DLGAP2: variants seen among roughly 807,000 people sequenced by gnomAD.
The protein encoded by DLGAP2 is DLG associated protein 2.
DLGAP2 carries 26 observed loss-of-function variants against 100.3 expected under a neutral mutation model. That is an observed-to-expected ratio of 0.26 (90% CI 0.19 to 0.36). The LOEUF (loss-of-function observed/expected upper bound fraction) is 0.36. Ranked by LOEUF, DLGAP2 falls within the 10% of genes least tolerant of loss-of-function variation. The probability of loss-of-function intolerance (pLI) is 1.00; values close to 1 mark genes in which losing one functional copy is unlikely to be tolerated. For missense variants in DLGAP2, 1,858 were observed against 1,453.2 expected, an observed-to-expected ratio of 1.28 and a Z score of -4.53; for synonymous variants, 886 against 630.1, an observed-to-expected ratio of 1.41 and a Z score of -6.08.
intron 3 of DLGAP2, among the ~76,000 whole-genome samples, chr8:1,439,206 C>T (rs939818813): frequency 6.6e-6 from 1 of 152,188 alleles, no homozygotes; most frequent in Non-Finnish European, 1.5e-5. Context: ...AGCCCCTCCC[C>T]TCCAGAGGCA....
chr8:1,093,079 C>T (rs55870618), intron 2 of DLGAP2, among the ~76,000 whole-genome samples: 24,102 of 152,206 alleles, frequency 0.16, 1,951 homozygotes, highest in Admixed American at 0.21. Context: ...AAACCGAGGC[C>T]GAGCTCCTTC....
intron 2 of DLGAP2, among the ~76,000 whole-genome samples, chr8:1,237,242 G>A (rs1467441108): frequency 7.2e-6 from 1 of 137,958 alleles, no homozygotes; most frequent in African/African-American, 3.0e-5. Flanking sequence ...GCCGTGTCTA[G>A]TTCTCTCTCA....
chr8:883,114 G>A (rs1342087234), intron 1 of DLGAP2: 2 of 152,576 alleles, frequency 1.3e-5, no homozygotes, highest in African/African-American at 4.8e-5. Context: ...GTCCTGTGTT[G>A]CTGGAATGGA....
rs145178651 is a variant in DLGAP2, at chr8:1,115,190, A to G, written c.74-143661A>G. On this transcript the variant is annotated intron_variant, in intron 2 of 14. Coordinates refer to ENST00000637795, the MANE Select transcript of DLGAP2 (RefSeq NM_001346810.2). ...GTTGTTTTGGGGTAGAGTGTTCTAT[A>G]GAGGTCTGTCATATGCATTTGGTCC... 2.1e-3 allele frequency among the ~76,000 whole-genome samples: 325 copies of G among 152,364 alleles called. 1 individual carries two copies. The highest frequency in any genetic ancestry group is 3.4e-3 in the Middle Eastern group (1 of 294).
At chr8:1,378,899 C>G (rs1386094161) in intron 3 of DLGAP2, among the ~76,000 whole-genome samples, 1 of 152,220 alleles carries the variant, frequency 6.6e-6, no homozygotes, top group African/African-American at 2.4e-5. Flanking sequence ...TCATGCTTCC[C>G]TGTCCTTTGG....
At chr8:1,664,386 C>A (rs1177561428) in intron 8 of DLGAP2, among the ~76,000 whole-genome samples, 1 of 152,148 alleles carries the variant, frequency 6.6e-6, no homozygotes, top group East Asian at 1.9e-4. Context: ...CCCCAGGAAG[C>A]TTCTTTCAAC....
At chr8:984,433 G>T (rs985281008) in intron 2 of DLGAP2, among the ~76,000 whole-genome samples, 2 of 152,212 alleles carry the variant, frequency 1.3e-5, no homozygotes, top group Non-Finnish European at 2.9e-5. Context: ...CCAGGAGCTG[G>T]TAGCTCTCAG....
intron 1 of DLGAP2, among the ~76,000 whole-genome samples, chr8:750,274 C>A (rs374497492): frequency 1.3e-5 from 2 of 152,160 alleles, no homozygotes; most frequent in African/African-American, 2.4e-5. Context: ...CCTTGCCACA[C>A]GAGGGGAGGT....
At chr8:1,259,289 G>A (rs867947955) in intron 3 of DLGAP2, among the ~76,000 whole-genome samples, 4 of 152,158 alleles carry the variant, frequency 2.6e-5, no homozygotes, top group African/African-American at 9.7e-5. Context: ...CAGCCTGAGA[G>A]TGTGTGGGGC....
chr8:1,387,238 G>A (rs1021341892), intron 3 of DLGAP2, among the ~76,000 whole-genome samples: 2 of 152,192 alleles, frequency 1.3e-5, no homozygotes, highest in Non-Finnish European at 2.9e-5. Context: ...AGACTGAGAG[G>A]CAGGTCTGCT....
chr8:1,338,609 G>C (rs1801343680), intron 3 of DLGAP2, among the ~76,000 whole-genome samples: 1 of 152,196 alleles, frequency 6.6e-6, no homozygotes, highest in South Asian at 2.1e-4. Context: ...TGTAAACCTT[G>C]AAAGAGTAAA....
chr8:880,983 C>T (rs1204255908), intron 1 of DLGAP2, among the ~76,000 whole-genome samples: 1 of 152,208 alleles, frequency 6.6e-6, no homozygotes, highest in Admixed American at 6.5e-5. Flanking sequence ...CCAGGACTTG[C>T]ACAACAGCTC....
chr8:1,478,533 C>T (rs1165416581), intron 3 of DLGAP2, among the ~76,000 whole-genome samples: 7 of 151,950 alleles, frequency 4.6e-5, no homozygotes, highest in Non-Finnish European at 7.4e-5. Context: ...CTCTCTCCAT[C>T]GACACCATAG....
At chr8:906,148 G>A (rs750818751) in intron 1 of DLGAP2, among the ~76,000 whole-genome samples, 1 of 152,246 alleles carries the variant, frequency 6.6e-6, no homozygotes, top group Non-Finnish European at 1.5e-5. Flanking sequence ...AGAGCAGCTT[G>A]TGATTTCAGC....
At chr8:1,243,405 T>C (rs1288644510) in intron 2 of DLGAP2, among the ~76,000 whole-genome samples, 1 of 152,178 alleles carries the variant, frequency 6.6e-6, no homozygotes, top group Non-Finnish European at 1.5e-5. Context: ...TCATTCCTCC[T>C]GCGCAGCTGC....
chr8:1,507,247 A>G (rs1161055101), intron 4 of DLGAP2, among the ~76,000 whole-genome samples: 2 of 152,212 alleles, frequency 1.3e-5, no homozygotes, highest in Non-Finnish European at 2.9e-5. Context: ...GCGGGAGCCC[A>G]CCGCGAGGGG....
intron 2 of DLGAP2, among the ~76,000 whole-genome samples, chr8:1,095,374 G>A (rs1005052929): frequency 1.3e-5 from 2 of 152,142 alleles, no homozygotes; most frequent in African/African-American, 2.4e-5. Context: ...ACCCCTGTCC[G>A]CAGCAGACCC....
At chr8:883,699 G>A (rs1297983226) in intron 1 of DLGAP2, among the ~76,000 whole-genome samples, 2 of 151,054 alleles carry the variant, frequency 1.3e-5, no homozygotes, top group East Asian at 2.0e-4. Context: ...TTACGTAGGT[G>A]CGCGTGTGCC....
At chr8:804,197 C>T (rs986354481) in intron 1 of DLGAP2, among the ~76,000 whole-genome samples, 1 of 152,168 alleles carries the variant, frequency 6.6e-6, no homozygotes, top group Non-Finnish European at 1.5e-5. Context: ...GATTATTATG[C>T]TCCCTGGAGT....
Sources: allele counts gnomAD v4.1 joint callset (sites outside exome capture counted in the v4.1 genomes callset), GRCh38; gene constraint gnomAD v4.1.1; transcripts MANE v1.5; gene names NCBI Gene and HGNC (gene_info 2026-07-23, HGNC 2026-07-21).